Variants in CTNND2 observed in about 807,000 individuals in gnomAD.
The protein encoded by CTNND2 is catenin delta-2.
Under a neutral mutation model 144.4 loss-of-function variants are expected in CTNND2, and 22 were observed. That is an observed-to-expected ratio of 0.15 (90% CI 0.11 to 0.22). The LOEUF is 0.22. Among genes scored for constraint, CTNND2 ranks in the 10% least tolerant of loss-of-function variants. The pLI is 1.00. For missense variants in CTNND2, 1,353 were observed against 1,618.8 expected (o/e 0.84, Z 2.82); for synonymous variants, 751 against 695.6 (o/e 1.08, Z -1.25).
At chr5:11,433,353 C>T (rs1486719244) in intron 3 of CTNND2, among the ~76,000 whole-genome samples, 8 of 101,024 alleles carry the variant, frequency 7.9e-5, no homozygotes, top group Admixed American at 3.2e-4. Context: ...GATGCTGATG[C>T]ACCTGATGCA....
In CTNND2 at chr5:11,849,839, T is replaced by C. The variant is rs144474065; in HGVS notation, c.37+53978A>G. 2.8e-3 allele frequency among the ~76,000 whole-genome samples: 420 copies of C among 152,272 alleles called. 1 individual carries two copies. The highest frequency in any genetic ancestry group is 9.7e-3 in the African/African-American group (403 of 41,544). ...GAAAATATCTGACCACAGTGGCACA[T>C]TCTGCCCATGGCCAGGAACCCAGAA... On this transcript the variant is annotated intron_variant, in intron 1 of 21. Coordinates refer to ENST00000304623, the MANE Select transcript of CTNND2 (RefSeq NM_001332.4).
At chr5:11,589,245 G>C (rs1354526093) in intron 2 of CTNND2, among the ~76,000 whole-genome samples, 2 of 150,140 alleles carry the variant, frequency 1.3e-5, no homozygotes, top group African/African-American at 4.9e-5. Flanking sequence ...TGCTTTGAAT[G>C]TATCTGGATT....
intron 14 of CTNND2, among the ~76,000 whole-genome samples, chr5:11,110,429 G>A (rs933040160): frequency 1.3e-5 from 2 of 152,256 alleles, no homozygotes; most frequent in East Asian, 1.9e-4. Flanking sequence ...CGAAACCAGC[G>A]ATTAAATACA....
At chr5:11,661,706 CA>C (rs1783215101) in intron 2 of CTNND2, among the ~76,000 whole-genome samples, 1 of 152,140 alleles carries the variant, frequency 6.6e-6, no homozygotes, top group Non-Finnish European at 1.5e-5. Context: ...AATAAGCAAT[CA>C]TCATACATGT....
At chr5:11,178,846 C>T (rs533675909) in intron 11 of CTNND2, among the ~76,000 whole-genome samples, 7 of 152,196 alleles carry the variant, frequency 4.6e-5, no homozygotes, top group South Asian at 2.1e-4. Flanking sequence ...ATACATTCTT[C>T]GCCTTATATT....
At chr5:11,559,925 C>G (rs982092964) in intron 3 of CTNND2, among the ~76,000 whole-genome samples, 1 of 152,206 alleles carries the variant, frequency 6.6e-6, no homozygotes, top group African/African-American at 2.4e-5. Context: ...AGGCCATCTG[C>G]AGGGATGGTC....
intron 2 of CTNND2, among the ~76,000 whole-genome samples, chr5:11,723,669 C>T (rs1307010882): frequency 6.6e-6 from 1 of 152,196 alleles, no homozygotes; most frequent in Non-Finnish European, 1.5e-5. Context: ...TCCTCCATGG[C>T]TGGCACTGCT....
intron 9 of CTNND2, among the ~76,000 whole-genome samples, chr5:11,293,187 C>G (rs1748545009): frequency 6.6e-6 from 1 of 152,104 alleles, no homozygotes. Context: ...GCAGAGCAAA[C>G]CAAAACATCT....
At chr5:11,335,015 T>C (rs949205776) in intron 9 of CTNND2, among the ~76,000 whole-genome samples, 1 of 152,228 alleles carries the variant, frequency 6.6e-6, no homozygotes, top group African/African-American at 2.4e-5. Flanking sequence ...AATTTCCCAC[T>C]GGTATCTTCT....
intron 2 of CTNND2, among the ~76,000 whole-genome samples, chr5:11,711,189 G>A (rs1786009979): frequency 6.6e-6 from 1 of 152,026 alleles, no homozygotes; most frequent in South Asian, 2.1e-4. Flanking sequence ...TGGAGTAGCT[G>A]GGATTACAGG....
At chr5:11,644,260 C>T (rs1417820102) in intron 2 of CTNND2, among the ~76,000 whole-genome samples, 2 of 152,190 alleles carry the variant, frequency 1.3e-5, no homozygotes, top group Non-Finnish European at 1.5e-5. Context: ...CAGGTACCAA[C>T]GTGGCACTTT....
At chr5:11,532,375 C>T (rs551403704) in intron 3 of CTNND2, among the ~76,000 whole-genome samples, 162 of 135,862 alleles carry the variant, frequency 1.2e-3, no homozygotes, top group Middle Eastern at 5.4e-3. Context: ...TAGTCGGTTT[C>T]CCAGGGAACC....
chr5:11,646,168 T>C (rs1782337107), intron 2 of CTNND2, among the ~76,000 whole-genome samples: 1 of 152,154 alleles, frequency 6.6e-6, no homozygotes, highest in Non-Finnish European at 1.5e-5. Flanking sequence ...CTAGCCTTGT[T>C]TTTTGTTTTT....
chr5:11,372,646 C>T (rs1757566863), intron 7 of CTNND2, among the ~76,000 whole-genome samples: 1 of 150,980 alleles, frequency 6.6e-6, no homozygotes, highest in South Asian at 2.1e-4. Flanking sequence ...TTTCCTATCT[C>T]ACAGGAAGTA....
In CTNND2 at chr5:11,103,272, G is replaced by A. The variant is rs571250455; in HGVS notation, c.2464-4524C>T. On this transcript the variant is annotated intron_variant, in intron 14 of 21. Transcript: ENST00000304623. ...GCTGGGATTACAGGCATGAGCCACCGCACCCGGTCTATTTAAAAGAGTTCT... is the reference window on the plus strand; with the variant it reads ...GCTGGGATTACAGGCATGAGCCACCACACCCGGTCTATTTAAAAGAGTTCT... Among the ~76,000 whole-genome samples, 9 of 151,912 alleles carry A rather than the reference G, an allele frequency of 5.9e-5. 1 individual carries two copies. The highest frequency in any genetic ancestry group is 6.8e-3 in the Middle Eastern group (2 of 294).
rs1230443973 is a variant in CTNND2, at chr5:10,973,827, C to G, written c.3418-114G>C. The G allele has an allele frequency of 1.7e-6, 2 of 1,206,410 alleles. No homozygotes were observed. Among genetic ancestry groups the G allele is most frequent in the African/African-American group, 3.1e-5 (2 of 65,294 alleles). The allele number at this position is 1,206,410 out of a possible 1,614,324, so 74.7% of individuals were successfully genotyped here. A position where few individuals can be genotyped will look rare whatever the true frequency, so the allele number is the denominator to read the frequency against. On this transcript the variant is annotated intron_variant, in intron 21 of 21. Coordinates refer to ENST00000304623, the MANE Select transcript of CTNND2 (RefSeq NM_001332.4). This position sits in a 1 kb window ranked among gnomAD's most constrained non-coding sequence, Gnocchi z 5.6. ...AATAGGCTGTGTATATCCAGGCATT[C>G]ACCACTGTGGCCCTGCTTCTCCAAA...
chr5:11,167,490 G>A (rs1264656794), intron 11 of CTNND2, among the ~76,000 whole-genome samples: 1 of 152,086 alleles, frequency 6.6e-6, no homozygotes, highest in Non-Finnish European at 1.5e-5. Context: ...ATTTACCTGG[G>A]TCTCCATGCA....
chr5:11,752,841 T>C (rs114212775), intron 1 of CTNND2, among the ~76,000 whole-genome samples: 276 of 151,966 alleles, frequency 1.8e-3, no homozygotes, highest in African/African-American at 6.2e-3. Flanking sequence ...TTATCAGTCA[T>C]CTCAGATGTC....
At chr5:11,424,644 C>A (rs979446143) in intron 3 of CTNND2, among the ~76,000 whole-genome samples, 2 of 151,820 alleles carry the variant, frequency 1.3e-5, no homozygotes, top group Admixed American at 6.6e-5. Flanking sequence ...TCATAAAAAT[C>A]TATAGTTATT....
Sources: allele counts gnomAD v4.1 joint callset (sites outside exome capture counted in the v4.1 genomes callset), GRCh38; gene constraint gnomAD v4.1.1; non-coding constraint Gnocchi (gnomAD v3.1); transcripts MANE v1.5; gene names NCBI Gene and HGNC (gene_info 2026-07-23, HGNC 2026-07-21).